Variants in NRG3 observed in about 807,000 individuals in gnomAD.
NRG3 encodes pro-neuregulin-3, membrane-bound isoform.
A neutral mutation model predicts 66.9 loss-of-function variants in NRG3; 31 were observed. The ratio of observed to expected loss-of-function variants is 0.46; its 90% CI spans 0.35 to 0.63. The LOEUF is 0.63. NRG3 is among the 20% of genes least tolerant of loss of function. NRG3 has a pLI of 0.00. For missense variants in NRG3, 910 were observed against 878.9 expected (o/e 1.04, Z -0.45); for synonymous variants, 393 against 359.4 (o/e 1.09, Z -1.06).
intron 1 of NRG3, among the ~76,000 whole-genome samples, chr10:81,879,552 G>A (rs1482286319): frequency 6.6e-6 from 1 of 152,148 alleles, no homozygotes; most frequent in Non-Finnish European, 1.5e-5. Flanking sequence ...AAGACAAAGA[G>A]CCTCTTTTTA....
intron 1 of NRG3, among the ~76,000 whole-genome samples, chr10:82,019,851 G>A (rs1224770089): frequency 1.3e-5 from 2 of 151,910 alleles, no homozygotes; most frequent in Non-Finnish European, 2.9e-5. Flanking sequence ...AGTCTTGCTA[G>A]CGGTCTATCA....
chr10:82,330,457 G>T (rs1208642409), intron 1 of NRG3, among the ~76,000 whole-genome samples: 1 of 152,186 alleles, frequency 6.6e-6, no homozygotes, highest in East Asian at 1.9e-4. Context: ...TTTGACAACT[G>T]CATGAAATTC....
chr10:81,921,332 T>C (rs1846235403), intron 1 of NRG3, among the ~76,000 whole-genome samples: 1 of 151,968 alleles, frequency 6.6e-6, no homozygotes, highest in East Asian at 1.9e-4. Flanking sequence ...GAGGTATTTA[T>C]ACTTCATTAT....
intron 2 of NRG3, among the ~76,000 whole-genome samples, chr10:82,537,887 T>G (rs755903377): frequency 6.6e-6 from 1 of 152,152 alleles, no homozygotes; most frequent in Non-Finnish European, 1.5e-5. Context: ...TTATTAATAG[T>G]TATTTAATGA....
intron 2 of NRG3, among the ~76,000 whole-genome samples, chr10:82,427,272 G>A (rs1257076438): frequency 6.6e-6 from 1 of 152,084 alleles, no homozygotes; most frequent in Non-Finnish European, 1.5e-5. Context: ...ATTTTAGGGG[G>A]AAAGCGCTCT....
chr10:82,642,280 A>G (rs1043129131), intron 2 of NRG3, among the ~76,000 whole-genome samples: 3 of 151,434 alleles, frequency 2.0e-5, no homozygotes, highest in Non-Finnish European at 4.4e-5. Context: ...TTTTTTTTTA[A>G]TAGAAGTATA....
chr10:82,316,398 G>T (rs1202144526), intron 1 of NRG3, among the ~76,000 whole-genome samples: 1 of 152,132 alleles, frequency 6.6e-6, no homozygotes, highest in Non-Finnish European at 1.5e-5. Context: ...TTTAAAGCCA[G>T]TCCTGTTGAA....
In NRG3 at chr10:82,355,835, C is replaced by A. The variant is rs1259866324; in HGVS notation, c.824-2904C>A. Among the ~76,000 whole-genome samples the A allele has an allele frequency of 2.0e-5, 3 of 152,072 alleles. No individual in the cohort carries two copies. In the East Asian group the frequency reaches 5.8e-4, roughly 29 times the overall value. ...AATGCATAGGTATATTCTAAGGTTT[C>A]AAATGTATTGATAATTGCAGTTATT... On this transcript the variant is annotated intron_variant, in intron 1 of 8. Coordinates refer to ENST00000372141, the MANE Select transcript of NRG3 (RefSeq NM_001010848.4).
intron 3 of NRG3, chr10:82,843,099 A>G: frequency 3.1e-6 from 1 of 319,876 alleles, no homozygotes; most frequent in South Asian, 2.6e-5. Context: ...CACAGAAGGT[A>G]TATTTGTGGA....
intron 1 of NRG3, among the ~76,000 whole-genome samples, chr10:81,894,762 T>C (rs1407792241): frequency 6.6e-6 from 1 of 152,116 alleles, no homozygotes; most frequent in African/African-American, 2.4e-5. Context: ...ACTGTTCTGC[T>C]CCATTGTGTG....
At chr10:82,973,936 T>TG in intron 7 of NRG3, 21 bp downstream of exon 7, 2 of 1,613,516 alleles carry the variant, frequency 1.2e-6, no homozygotes, top group Non-Finnish European at 1.7e-6. Flanking sequence ...CTCATCATGG[T>TG]GGGTGTGGGC....
At chr10:82,743,162 G>T (rs1237531142) in intron 3 of NRG3, among the ~76,000 whole-genome samples, 1 of 152,100 alleles carries the variant, frequency 6.6e-6, no homozygotes, top group African/African-American at 2.4e-5. Flanking sequence ...GGCTGTGATG[G>T]CAGGCTTGAG....
At chr10:82,040,191 T>C (rs1004838328) in intron 1 of NRG3, among the ~76,000 whole-genome samples, 3 of 152,110 alleles carry the variant, frequency 2.0e-5, no homozygotes, top group African/African-American at 7.2e-5. Flanking sequence ...TGGAAATTAA[T>C]GTTTTCCACA....
chr10:82,702,013 G>A (rs916443206), intron 2 of NRG3, among the ~76,000 whole-genome samples: 17 of 152,182 alleles, frequency 1.1e-4, no homozygotes, highest in Admixed American at 1.1e-3. Flanking sequence ...CATGGGTGCT[G>A]TTCAGGCTCA....
intron 2 of NRG3, among the ~76,000 whole-genome samples, chr10:82,595,156 G>C (rs1001066015): frequency 1.3e-5 from 2 of 151,942 alleles, no homozygotes. Flanking sequence ...TTTATGCATA[G>C]ATGCTTTAGC....
intron 2 of NRG3, among the ~76,000 whole-genome samples, chr10:82,477,380 T>G (rs1841881826): frequency 6.6e-6 from 1 of 152,154 alleles, no homozygotes; most frequent in African/African-American, 2.4e-5. Context: ...AATGCCAACA[T>G]AGACCACTAA....
chr10:81,983,901 A>T (rs1195143762), intron 1 of NRG3, among the ~76,000 whole-genome samples: 1 of 152,196 alleles, frequency 6.6e-6, no homozygotes, highest in Admixed American at 6.5e-5. Context: ...GTGATTAAGG[A>T]TCTTGATATC....
At chr10:82,576,148 T>G (rs2046017517) in intron 2 of NRG3, among the ~76,000 whole-genome samples, 1 of 151,646 alleles carries the variant, frequency 6.6e-6, no homozygotes, top group Non-Finnish European at 1.5e-5. Flanking sequence ...TCAGACATCT[T>G]TTTCTCCTCT....
chr10:82,094,130 C>A (rs187521975), intron 1 of NRG3, among the ~76,000 whole-genome samples: 3 of 151,972 alleles, frequency 2.0e-5, no homozygotes, highest in Non-Finnish European at 4.4e-5. Context: ...ACTTTGAGAG[C>A]CATTAATGGA....
Sources: allele counts gnomAD v4.1 joint callset (sites outside exome capture counted in the v4.1 genomes callset), GRCh38; gene constraint gnomAD v4.1.1; transcripts MANE v1.5; gene names NCBI Gene and HGNC (gene_info 2026-07-23, HGNC 2026-07-21).